Variants in RPTOR observed in about 807,000 individuals in gnomAD.
RPTOR encodes regulatory-associated protein of mTOR.
Under a neutral mutation model 169.9 loss-of-function variants are expected in RPTOR, and 21 were observed. The observed-to-expected ratio is 0.12, with a 90% confidence interval of 0.09 to 0.18. The LOEUF (loss-of-function observed/expected upper bound fraction) is 0.18, where lower values mean the gene tolerates loss of function less well. Among genes scored for constraint, RPTOR ranks in the 10% least tolerant of loss-of-function variants. The pLI is 1.00. For synonymous variants in RPTOR, 732 were observed against 753.2 expected (o/e 0.97, Z 0.46); for missense variants, 1,133 against 1,855.9 (o/e 0.61, Z 7.16).
Position 80,844,649 on chromosome 17 carries a change from T to C in RPTOR, c.1213-1824T>C, listed in dbSNP as rs2067706236. Among the ~76,000 whole-genome samples the C allele has an allele frequency of 6.6e-6, 1 of 152,244 alleles. No individual in the cohort carries two copies. Among genetic ancestry groups the C allele is most frequent in the Non-Finnish European group, 1.5e-5 (1 of 68,034 alleles). ...CTGGCTGCACAGGAGCACGGATTCC[T>C]ACGTGGTGAATGTTCTCGGCTGACT... On this transcript the variant is annotated intron_variant, in intron 10 of 33. Coordinates refer to ENST00000306801, the MANE Select transcript of RPTOR (RefSeq NM_020761.3). This position sits in a 1 kb window ranked among gnomAD's most constrained non-coding sequence, Gnocchi z 4.7.
At chr17:80,884,906 G>T (rs905357477) in intron 16 of RPTOR, 102 bp from the exon 17 acceptor site, 4 of 1,432,254 alleles carry the variant, frequency 2.8e-6, no homozygotes. Flanking sequence ...TTGAGCAAGC[G>T]CCTGTGGGGT....
At chr17:80,841,278 C>T (rs867667846) in intron 10 of RPTOR, among the ~76,000 whole-genome samples, 14 of 96,384 alleles carry the variant, frequency 1.5e-4, no homozygotes, top group Admixed American at 3.3e-4. Context: ...TCACTCTCAC[C>T]GCACGGCAGC....
intron 2 of RPTOR, among the ~76,000 whole-genome samples, chr17:80,626,804 ATTATTATTT>A (rs1330495637): frequency 2.6e-5 from 3 of 114,678 alleles, no homozygotes; most frequent in African/African-American, 9.4e-5. Context: ...TATTATTATT[ATTATTATTT>A]TTCATTCTAG....
At chr17:80,928,607 G>A (rs1030413252) in intron 24 of RPTOR, among the ~76,000 whole-genome samples, 2 of 152,198 alleles carry the variant, frequency 1.3e-5, no homozygotes, top group Admixed American at 6.5e-5. Context: ...GTCAGATTTC[G>A]TACAGGTCCG....
intron 1 of RPTOR, among the ~76,000 whole-genome samples, chr17:80,564,903 C>T (rs2084559263): frequency 6.6e-6 from 1 of 152,194 alleles, no homozygotes; most frequent in Non-Finnish European, 1.5e-5. Context: ...CATGTTCCCA[C>T]AAAGGACATG....
chr17:80,725,446 T>A (rs2066323811), intron 4 of RPTOR, among the ~76,000 whole-genome samples: 1 of 152,230 alleles, frequency 6.6e-6, no homozygotes, highest in Non-Finnish European at 1.5e-5. Context: ...ACTTTTAGTT[T>A]TGGATCAAGA....
At chr17:80,567,344 AT>A (rs2064854818) in intron 1 of RPTOR, among the ~76,000 whole-genome samples, 1 of 151,238 alleles carries the variant, frequency 6.6e-6, no homozygotes, top group African/African-American at 2.4e-5. Flanking sequence ...TCTTTAAGTT[AT>A]CACAGTGTAC....
intron 11 of RPTOR, among the ~76,000 whole-genome samples, chr17:80,853,953 C>G (rs2067824304): frequency 1.3e-5 from 2 of 151,664 alleles, no homozygotes; most frequent in Admixed American, 1.3e-4. Flanking sequence ...TGCACTCCAG[C>G]CTGGGCGACC....
intron 28 of RPTOR, among the ~76,000 whole-genome samples, chr17:80,951,082 T>C (rs7218122): frequency 0.4 from 54,646 of 137,160 alleles, 10,550 homozygotes; most frequent in East Asian, 0.55. Context: ...CACATGTCCA[T>C]GCCCAGCTGG....
At chr17:80,661,352 G>A (rs539159382) in intron 3 of RPTOR, among the ~76,000 whole-genome samples, 89 of 152,330 alleles carry the variant, frequency 5.8e-4, no homozygotes, top group Non-Finnish European at 7.5e-4. Context: ...AGTCGGAGCC[G>A]GAGAGGCAGA....
intron 33 of RPTOR, 53 bp from the exon 34 acceptor site, chr17:80,964,209 C>CCCCGGG: frequency 3.7e-5 from 49 of 1,325,474 alleles, no homozygotes; most frequent in Non-Finnish European, 4.8e-5. Flanking sequence ...CCCCGCCCCC[C>CCCCGGG]GCAGTGTCTG....
In RPTOR at chr17:80,965,822, G is replaced by A. The variant is rs949968093; in HGVS notation, c.*1492G>A. ...AAGGCAGGACAGAGGCGGCCCCTCC[G>A]CTGCTCCTTTTTGGAATGCGAGCTC... On this transcript the variant is annotated 3_prime_UTR_variant, in exon 34 of 34. Transcript: ENST00000306801. 9.9e-5 allele frequency: 23 copies of A among 233,206 alleles called. No homozygotes were observed. The highest frequency in any genetic ancestry group is 3.5e-4 in the African/African-American group (16 of 45,332). The allele number at this position is 233,206 out of a possible 1,614,324, so 14.4% of individuals were successfully genotyped here. A position where few individuals can be genotyped will look rare whatever the true frequency, so the allele number is the denominator to read the frequency against.
At chr17:80,810,601 T>C (rs530812835) in intron 7 of RPTOR, among the ~76,000 whole-genome samples, 1 of 152,312 alleles carries the variant, frequency 6.6e-6, no homozygotes, top group East Asian at 1.9e-4. Flanking sequence ...TTTGTCAAAA[T>C]GGTTTTGGCT....
intron 1 of RPTOR, among the ~76,000 whole-genome samples, chr17:80,578,181 G>T (rs538181420): frequency 6.6e-6 from 1 of 152,326 alleles, no homozygotes; most frequent in African/African-American, 2.4e-5. Context: ...GGGTTGTTTA[G>T]TGTGGAGTAA....
chr17:80,708,868 C>T lies in RPTOR; in HGVS notation c.507+869C>T. The T allele has an allele frequency of 1.1e-6, 1 of 918,206 alleles. No homozygotes were observed. The highest frequency in any genetic ancestry group is 1.3e-6 in the Non-Finnish European group (1 of 768,308). 56.9% of individuals were successfully genotyped at this position (918,206 alleles called of 1,614,324 possible). A position where few individuals can be genotyped will look rare whatever the true frequency, so the allele number is the denominator to read the frequency against. ...TTTGGAATCCAGCAAATCCGAGTCC[C>T]AGTTTCGGTTGTGCTGTCAGCCTCC... is the stretch of plus-strand genomic sequence containing the variant. On this transcript the variant is annotated intron_variant, in intron 4 of 33. Transcript: ENST00000306801. This position sits in a 1 kb window ranked among gnomAD's most constrained non-coding sequence, Gnocchi z 4.2.
intron 10 of RPTOR, among the ~76,000 whole-genome samples, chr17:80,841,706 GCACGGCAGCTCACTCTCACCA>G (rs1567943519): frequency 9.2e-6 from 1 of 108,936 alleles, no homozygotes; most frequent in Non-Finnish European, 1.8e-5. Flanking sequence ...CACTCTCACC[GCACGGCAGCTCACTCTCACCA>G]CACCGCAGCT....
chr17:80,639,801 T>G (rs887331273), intron 2 of RPTOR, among the ~76,000 whole-genome samples: 1 of 152,000 alleles, frequency 6.6e-6, no homozygotes, highest in Admixed American at 6.5e-5. Context: ...GCTGGTGGAG[T>G]GCCAGCTCTT....
chr17:80,901,570 C>T (rs901425046), intron 20 of RPTOR, among the ~76,000 whole-genome samples: 1 of 152,186 alleles, frequency 6.6e-6, no homozygotes. Flanking sequence ...CCGTGCTTAC[C>T]TAAGTGTTTA....
At chr17:80,766,641 A>C (rs1473134048) in intron 6 of RPTOR, among the ~76,000 whole-genome samples, 1 of 152,202 alleles carries the variant, frequency 6.6e-6, no homozygotes, top group African/African-American at 2.4e-5. Flanking sequence ...GCAAAGGTCC[A>C]CCTAGAGGTG....
Sources: gnomAD v4.1 joint callset for allele counts (sites outside exome capture counted in the v4.1 genomes callset) on GRCh38, gnomAD v4.1.1 for gene constraint, Gnocchi (gnomAD v3.1) non-coding constraint, MANE v1.5 for transcripts, NCBI Gene and HGNC (gene_info 2026-07-23, HGNC 2026-07-21) for gene names.